The following MYCBP2 variants were observed in gnomAD, a reference collection of about 807,000 sequenced individuals.
MYCBP2 encodes the protein E3 ubiquitin-protein ligase MYCBP2.
In MYCBP2, 120 loss-of-function variants were observed where a neutral mutation model predicts 525.3. That is an observed-to-expected ratio of 0.23 (90% CI 0.20 to 0.27). MYCBP2 has a LOEUF of 0.27. Among genes scored for constraint, MYCBP2 ranks in the 10% least tolerant of loss-of-function variants. The pLI is 1.00. For synonymous variants in MYCBP2, 1,894 were observed against 1,955.8 expected (o/e 0.97, Z 0.83); for missense variants, 4,149 against 5,657.1 (o/e 0.73, Z 8.55).
At chr13:77,232,892 T>G (rs1329631501) in intron 18 of MYCBP2, among the ~76,000 whole-genome samples, 2 of 152,200 alleles carry the variant, frequency 1.3e-5, no homozygotes, top group Non-Finnish European at 2.9e-5. Flanking sequence ...TTCCCTTAAC[T>G]TTTTGAAATT....
At chr13:77,254,987 C>T (rs1182464747) in intron 14 of MYCBP2, among the ~76,000 whole-genome samples, 1 of 151,796 alleles carries the variant, frequency 6.6e-6, no homozygotes, top group African/African-American at 2.4e-5. Context: ...ATTTTCTTTA[C>T]TCATTCATCT....
chr13:77,064,169 T>TAGA (rs1447213529), intron 73 of MYCBP2, among the ~76,000 whole-genome samples: 2 of 152,358 alleles, frequency 1.3e-5, no homozygotes, highest in East Asian at 3.9e-4. Context: ...TCTTGCTTTT[T>TAGA]AGAAGTAAGA....
In MYCBP2 at chr13:77,264,019, G is replaced by A; in HGVS notation, c.1358-17C>T. 1 of 1,602,810 alleles carries A rather than the reference G, an allele frequency of 6.2e-7. No individual in the cohort carries two copies. ...TGTGGCAATCTGTGCAAAAGAAAAA[G>A]TATTTATATTACAATACAAGCAAAC... is the stretch of plus-strand genomic sequence containing the variant. On this transcript the variant is annotated splice_polypyrimidine_tract_variant and intron_variant, in intron 8 of 82. Coordinates refer to ENST00000544440, the MANE Select transcript of MYCBP2 (RefSeq NM_015057.5).
intron 43 of MYCBP2, among the ~76,000 whole-genome samples, chr13:77,163,985 T>C (rs2058243969): frequency 6.6e-6 from 1 of 152,232 alleles, no homozygotes; most frequent in South Asian, 2.1e-4. Flanking sequence ...AATCCTAAGC[T>C]ATCTTCTCTT....
At chr13:77,285,889 G>GAAAGGAAAGGAAAGC (rs1555459791) in intron 3 of MYCBP2, among the ~76,000 whole-genome samples, 6 of 126,046 alleles carry the variant, frequency 4.8e-5, no homozygotes, top group Non-Finnish European at 9.7e-5. Context: ...GAAAGGAAAG[G>GAAAGGAAAGGAAAGC]AAAGGAAAGC....
At chr13:77,130,793 C>T (rs373362862) in intron 52 of MYCBP2, among the ~76,000 whole-genome samples, 37 of 151,948 alleles carry the variant, frequency 2.4e-4, no homozygotes, top group African/African-American at 8.2e-4. Flanking sequence ...TTTTTTTTAG[C>T]GTATTCTATT....
intron 82 of MYCBP2, 118 bp downstream of exon 82, chr13:77,050,879 C>T (rs1367304033): frequency 1.2e-6 from 1 of 861,260 alleles, no homozygotes; most frequent in Non-Finnish European, 1.8e-6. Flanking sequence ...ATTCCTCCTG[C>T]TTCTTTAGGC....
At chr13:77,059,728 A>G (rs902285442) in intron 76 of MYCBP2, 102 bp from the exon 77 acceptor site, 39 of 726,244 alleles carry the variant, frequency 5.4e-5, no homozygotes, top group Non-Finnish European at 8.0e-5. Context: ...ATAAGTTGCT[A>G]TCCTTGGGAA....
At chr13:77,291,000 G>T (rs532271410) in intron 2 of MYCBP2, among the ~76,000 whole-genome samples, 5 of 152,288 alleles carry the variant, frequency 3.3e-5, no homozygotes, top group African/African-American at 1.2e-4. Context: ...AAAAAGTGTT[G>T]CTGAGTGAAA....
rs750566979 is a variant in MYCBP2, at chr13:77,326,016, G to A, written c.302+458C>T. The stretch of plus-strand genomic sequence containing the variant: ...GGAAAGGGCTGGAAGGAATGTCATG[G>A]GAGAGGCGGCACGTGCAAATAACAT... On this transcript the variant is annotated intron_variant, in intron 1 of 82. Coordinates refer to ENST00000544440, the MANE Select transcript of MYCBP2 (RefSeq NM_015057.5). This position sits in a 1 kb window ranked among gnomAD's most constrained non-coding sequence, Gnocchi z 4.2. Among the ~76,000 whole-genome samples the A allele has an allele frequency of 4.5e-4, 69 of 152,082 alleles. 2 individuals carry two copies. Among genetic ancestry groups the A allele is most frequent in the Non-Finnish European group, 1.3e-4 (9 of 68,024 alleles).
At chr13:77,045,759 G>T (rs2035438571) in intron 82 of MYCBP2, among the ~76,000 whole-genome samples, 1 of 152,104 alleles carries the variant, frequency 6.6e-6, no homozygotes, top group Non-Finnish European at 1.5e-5. Context: ...TCGAGCTACA[G>T]ATCTTTTTCT....
chr13:77,250,379 G>C (rs1344362661), intron 15 of MYCBP2, among the ~76,000 whole-genome samples: 1 of 152,128 alleles, frequency 6.6e-6, no homozygotes, highest in African/African-American at 2.4e-5. Context: ...AGTTGACAAA[G>C]AGGAAGGTCA....
chr13:77,270,564 G>GA (rs2074727114), intron 5 of MYCBP2, 26 bp from the exon 6 acceptor site: 2 of 1,563,748 alleles, frequency 1.3e-6, no homozygotes, highest in Non-Finnish European at 1.7e-6. Flanking sequence ...GAAAAATAAT[G>GA]AAAAAACATT....
intron 1 of MYCBP2, among the ~76,000 whole-genome samples, chr13:77,307,974 G>T (rs1594816730): frequency 6.6e-6 from 1 of 151,938 alleles, no homozygotes; most frequent in Admixed American, 6.6e-5. Flanking sequence ...CTTCTAATGT[G>T]AGCTATCTGC....
intron 52 of MYCBP2, among the ~76,000 whole-genome samples, chr13:77,136,324 T>C (rs1301521836): frequency 6.6e-6 from 1 of 152,208 alleles, no homozygotes; most frequent in Admixed American, 6.5e-5. Flanking sequence ...CAAATACAAA[T>C]ATTCTACTTT....
chr13:77,231,443 C>T (rs1422333081), intron 18 of MYCBP2, among the ~76,000 whole-genome samples: 3 of 152,048 alleles, frequency 2.0e-5, no homozygotes, highest in Non-Finnish European at 2.9e-5. Flanking sequence ...GATGAGGTTT[C>T]GCCATGTTAG....
chr13:77,073,344 G>A (rs202088979), intron 68 of MYCBP2, among the ~76,000 whole-genome samples: 1 of 152,048 alleles, frequency 6.6e-6, no homozygotes, highest in East Asian at 1.9e-4. Flanking sequence ...AATCCATTCT[G>A]ATAGAAATTC....
At chr13:77,116,018 G>T (rs184381797) in intron 55 of MYCBP2, among the ~76,000 whole-genome samples, 2 of 151,890 alleles carry the variant, frequency 1.3e-5, no homozygotes, top group East Asian at 3.9e-4. Context: ...GTAGTCAACA[G>T]AATTGACCTC....
intron 62 of MYCBP2, among the ~76,000 whole-genome samples, chr13:77,085,553 G>A (rs1305190669): frequency 6.6e-6 from 1 of 152,096 alleles, no homozygotes; most frequent in Middle Eastern, 3.2e-3. Flanking sequence ...ATTCTCTGTC[G>A]CTCTTTCCAT....
Sources: gnomAD v4.1 joint callset for allele counts (sites outside exome capture counted in the v4.1 genomes callset) on GRCh38, gnomAD v4.1.1 for gene constraint, Gnocchi (gnomAD v3.1) non-coding constraint, MANE v1.5 for transcripts, NCBI Gene and HGNC (gene_info 2026-07-23, HGNC 2026-07-21) for gene names.